Variants in RLBP1 observed in about 807,000 individuals in gnomAD.
The protein encoded by RLBP1 is retinaldehyde binding protein 1, also known as retinaldehyde-binding protein 1.
Under a neutral mutation model 36.2 loss-of-function variants are expected in RLBP1, and 26 were observed. The ratio of observed to expected loss-of-function variants is 0.72; its 90% confidence interval spans 0.53 to 1.00. The LOEUF is 1.00. Among genes scored for constraint, RLBP1 ranks in the 50% least tolerant of loss-of-function variants. RLBP1 has a pLI of 0.00. For synonymous variants in RLBP1, 155 were observed against 156.2 expected (o/e 0.99, Z 0.06); for missense variants, 410 against 402.4 (o/e 1.02, Z -0.16).
rs1274190833 is a variant in RLBP1 at position 89,214,997 on chromosome 15, G to A, written c.525+63C>T. 2 of 1,550,192 alleles carry A rather than the reference G, an allele frequency of 1.3e-6. No homozygotes were observed. Among genetic ancestry groups the A allele is most frequent in the East Asian group, 2.2e-5 (1 of 44,596 alleles). ...GAGAACCAGGAATGAGGGCCCAGTA[G>A]AGGCCAGGGTTGAGGGAGGGAACCC... is the stretch of plus-strand genomic sequence containing the variant. On this transcript the variant is annotated intron_variant, in intron 6 of 8. Coordinates refer to ENST00000268125, the MANE Select transcript of RLBP1 (RefSeq NM_000326.5). The surrounding 1 kb of genome is among the most constrained non-coding windows in gnomAD (Gnocchi z 4.6).
intron 5 of RLBP1, among the ~76,000 whole-genome samples, chr15:89,216,417 C>G (rs578142168): frequency 3.9e-5 from 6 of 152,172 alleles, no homozygotes; most frequent in East Asian, 1.9e-4. Context: ...CTGCCTCCTG[C>G]GTTCAAGCGA....
intron 1 of RLBP1, among the ~76,000 whole-genome samples, chr15:89,220,393 C>T (rs2051616624): frequency 6.6e-6 from 1 of 152,202 alleles, no homozygotes; most frequent in Non-Finnish European, 1.5e-5. Flanking sequence ...ATAATTTCTG[C>T]AATGCTCCTG....
rs780578200 is a variant in RLBP1, at chr15:89,210,778, T to A, written c.716A>T (p.His239Leu). 1 of 1,597,248 alleles carries A rather than the reference T, an allele frequency of 6.3e-7. No individual in the cohort carries two copies. Among genetic ancestry groups the A allele is most frequent in the South Asian group, 1.1e-5 (1 of 88,504 alleles). The change falls in exon 8 of 9, where the codon CAC becomes CTC. Residue 239 changes from histidine (H) to leucine (L), a missense_variant. Coordinates refer to ENST00000268125, the MANE Select transcript of RLBP1 (RefSeq NM_000326.5). This position sits in a 1 kb window ranked among gnomAD's most constrained non-coding sequence, Gnocchi z 4.7. ...GAAGTACCATGGCTGGTGGATGAAG[T>A]GGATGGCTTTGAACCGGGCTGGGAA... ...DSFPARFKAI[H>L]FIHQPWYFTT...
Position 89,211,869 on chromosome 15 carries a change from C to G in RLBP1, c.558G>C (p.Lys186Asn), listed in dbSNP as rs1275909292. Residue 186 changes from lysine (K) to asparagine (N), a missense_variant, in exon 7 of 9, where the codon AAG becomes AAC. Transcript: ENST00000268125. This position sits in a 1 kb window ranked among gnomAD's most constrained non-coding sequence, Gnocchi z 5.8. ...ILQAYCFILEKLLENEETQIN... is the reference protein window; with the variant it reads ...ILQAYCFILENLLENEETQIN... ...TTTGAGTTTCCTCATTCTCCAGCAGCTTCTCCAGGATGAAGCAATATGCCT... is the reference window on the plus strand; with the variant it reads ...TTTGAGTTTCCTCATTCTCCAGCAGGTTCTCCAGGATGAAGCAATATGCCT... 1 of 1,614,240 alleles carries G rather than the reference C, an allele frequency of 6.2e-7. No homozygotes were observed. The highest frequency in any genetic ancestry group is 1.7e-5 in the Admixed American group (1 of 60,028).
In RLBP1 at chr15:89,210,457, A is replaced by C. The variant is rs1461736987; in HGVS notation, c.796-14T>G. ...GTGGACAAAGACCTGCAGGGAAGCA[A>C]GGGAGACAGAACTGAGCAGGAGGAG... On this transcript the variant is annotated splice_polypyrimidine_tract_variant and intron_variant, in intron 8 of 8. Transcript: ENST00000268125. The surrounding 1 kb of genome is among the most constrained non-coding windows in gnomAD (Gnocchi z 4.7). 1 of 1,614,062 alleles carries C rather than the reference A, an allele frequency of 6.2e-7. No homozygotes were observed. The highest frequency in any genetic ancestry group is 1.1e-5 in the South Asian group (1 of 91,080).
At position 89,211,350 on chromosome 15, in the gene RLBP1, ACATT is replaced by A. The variant is rs2051536559; in HGVS notation, c.684+389_684+392del. Among the ~76,000 whole-genome samples, 1 of 152,182 alleles carries A rather than the reference ACATT, an allele frequency of 6.6e-6. No homozygotes were observed. Among genetic ancestry groups the A allele is most frequent in the Admixed American group, 6.5e-5 (1 of 15,284 alleles). ...ATAATCCCTTTCTCGGGGTGAATCC[ACATT>A]CAAAGAGAGGCAGTGCGACATATGT... On this transcript the variant is annotated intron_variant, in intron 7 of 8. Transcript: ENST00000268125. This position sits in a 1 kb window ranked among gnomAD's most constrained non-coding sequence, Gnocchi z 5.8.
In RLBP1 at chr15:89,215,273, A is replaced by T. The variant is rs746975639; in HGVS notation, c.347-35T>A. 5.0e-6 allele frequency: 8 copies of T among 1,610,260 alleles called. No homozygotes were observed. In the East Asian group the frequency reaches 1.8e-4, roughly 36 times the overall value. ...GGAGAGCAGAGGAACCCCCTCAGGG[A>T]GCCATCCCATCCCTACCCCATCCCT... On this transcript the variant is annotated intron_variant, in intron 5 of 8. Transcript: ENST00000268125.
intron 6 of RLBP1, among the ~76,000 whole-genome samples, chr15:89,212,790 G>A (rs1405906456): frequency 6.6e-6 from 1 of 151,364 alleles, no homozygotes; most frequent in East Asian, 2.0e-4. Context: ...GTGCAGTGGT[G>A]CGATCTTGGC....
In RLBP1 at chr15:89,217,158, C is replaced by T. The variant is rs1422832116; in HGVS notation, c.308G>A (p.Arg103Gln). The stretch of plus-strand genomic sequence containing the variant: ...ATAGGCACGGCCCACGTTGAACTTC[C>T]GTGCGCGGATGAAGCGCAGGAAGAA... The part of the protein sequence containing the change: ...SGFFLRFIRA[R>Q]KFNVGRAYEL... Residue 103 changes from arginine to glutamine, a missense_variant, in exon 5 of 9, where the codon CGG becomes CAG. Coordinates refer to ENST00000268125, the MANE Select transcript of RLBP1 (RefSeq NM_000326.5). The T allele has an allele frequency of 3.1e-6, 5 of 1,613,980 alleles. No homozygotes were observed. Among genetic ancestry groups the T allele is most frequent in the Non-Finnish European group, 4.2e-6 (5 of 1,180,034 alleles).
intron 6 of RLBP1, among the ~76,000 whole-genome samples, chr15:89,212,895 A>G (rs1282586844): frequency 6.6e-6 from 1 of 151,644 alleles, no homozygotes; most frequent in Non-Finnish European, 1.5e-5. Context: ...TGCCTGGCTA[A>G]TTTTTGTATT....
chr15:89,216,236 T>C (rs1431179025), intron 5 of RLBP1, among the ~76,000 whole-genome samples: 4 of 152,066 alleles, frequency 2.6e-5, no homozygotes, highest in Non-Finnish European at 5.9e-5. Flanking sequence ...GGAAAATCAT[T>C]AGCCTGCAGA....
At chr15:89,219,205 A>T in intron 2 of RLBP1, 130 bp from the exon 3 acceptor site, 1 of 614,050 alleles carries the variant, frequency 1.6e-6, no homozygotes, top group South Asian at 1.9e-5. Flanking sequence ...CATGATTCTG[A>T]CTCTGCAGGT....
intron 1 of RLBP1, among the ~76,000 whole-genome samples, chr15:89,220,722 C>T (rs1293487570): frequency 6.6e-6 from 1 of 152,256 alleles, no homozygotes; most frequent in East Asian, 1.9e-4. Context: ...GAGAGGCTGA[C>T]AGAACTGCCC....
intron 5 of RLBP1, 135 bp from the exon 6 acceptor site, chr15:89,215,373 C>G (rs1215232334): frequency 1.5e-5 from 11 of 740,280 alleles, no homozygotes; most frequent in Non-Finnish European, 2.5e-5. Context: ...CCTATCCGAG[C>G]CCCATGTTTC....
At chr15:89,221,281 T>C (rs1245895312) in intron 1 of RLBP1, among the ~76,000 whole-genome samples, 1 of 152,224 alleles carries the variant, frequency 6.6e-6, no homozygotes, top group African/African-American at 2.4e-5. Context: ...AGTGCTGGGA[T>C]TACAGGCGTG....
Position 89,211,682 on chromosome 15 carries a change from C to T in RLBP1, c.684+61G>A. 1.9e-6 allele frequency: 3 copies of T among 1,581,154 alleles called. No individual in the cohort carries two copies. Among genetic ancestry groups the T allele is most frequent in the South Asian group, 2.2e-5 (2 of 90,120 alleles). ...TCCCTGCAAGCACCATGAAAGGAGG[C>T]CCAGCCTCTCAGCCTCCCCAGCTGT... On this transcript the variant is annotated intron_variant, in intron 7 of 8. Coordinates refer to ENST00000268125, the MANE Select transcript of RLBP1 (RefSeq NM_000326.5). The surrounding 1 kb of genome is among the most constrained non-coding windows in gnomAD (Gnocchi z 5.8).
chr15:89,221,003 C>CTTTT (rs562626834), intron 1 of RLBP1, among the ~76,000 whole-genome samples: 2 of 129,276 alleles, frequency 1.5e-5, no homozygotes, highest in Non-Finnish European at 3.3e-5. Context: ...TAAATGTGAA[C>CTTTT]TTTTTTTTTT....
At chr15:89,217,592 T>C (rs566735510) in intron 4 of RLBP1, among the ~76,000 whole-genome samples, 1 of 152,382 alleles carries the variant, frequency 6.6e-6, no homozygotes, top group East Asian at 1.9e-4. Flanking sequence ...AGCCTTTGCC[T>C]AGCAACCTGC....
Position 89,211,760 on chromosome 15 carries a change from T to C in RLBP1, c.667A>G (p.Met223Val). 4.3e-6 allele frequency: 7 copies of C among 1,613,960 alleles called. No homozygotes were observed. Among genetic ancestry groups the C allele is most frequent in the Non-Finnish European group, 5.9e-6 (7 of 1,179,958 alleles). Reference protein sequence around the residue: ...ASLRTSDLRKMVDMLQDSFPA... With the variant: ...ASLRTSDLRKVVDMLQDSFPA... ...AGCCTCACCTGGAGCATGTCCACCA[T>C]CTTCCTGAGATCTGAAGTCCGGAGA... is the stretch of plus-strand genomic sequence containing the variant. Residue 223 changes from methionine to valine, a missense_variant, in exon 7 of 9, where the codon ATG becomes GTG. Met to Val is a conservative substitution (Grantham distance 21). Coordinates refer to ENST00000268125, the MANE Select transcript of RLBP1 (RefSeq NM_000326.5). This position sits in a 1 kb window ranked among gnomAD's most constrained non-coding sequence, Gnocchi z 5.8.
Sources: gnomAD v4.1 joint callset for allele counts (sites outside exome capture counted in the v4.1 genomes callset) on GRCh38, gnomAD v4.1.1 for gene constraint, Gnocchi (gnomAD v3.1) non-coding constraint, MANE v1.5 for transcripts, NCBI Gene and HGNC (gene_info 2026-07-23, HGNC 2026-07-21) for gene names.